The following GPC5 variants were observed in gnomAD, a reference collection of about 807,000 sequenced individuals.
The protein encoded by GPC5 is glypican 5.
Under a neutral mutation model 53.9 loss-of-function variants are expected in GPC5, and 47 were observed. The observed-to-expected ratio is 0.87, with a 90% CI of 0.69 to 1.11. The LOEUF (loss-of-function observed/expected upper bound fraction) is 1.11, where lower values mean the gene tolerates loss of function less well. Ranked by LOEUF, GPC5 falls within the 50% of genes most tolerant of loss-of-function variation. GPC5 has a pLI of 0.00. For synonymous variants in GPC5, 286 were observed against 263.3 expected, an observed-to-expected ratio of 1.09 and a Z score of -0.84; for missense variants, 748 against 713.1, an observed-to-expected ratio of 1.05 and a Z score of -0.56.
intron 6 of GPC5, among the ~76,000 whole-genome samples, chr13:92,010,597 A>G (rs2040652448): frequency 2.6e-5 from 4 of 152,200 alleles, no homozygotes. Context: ...ATGAGTTTAT[A>G]AAAGTGAGGC....
chr13:92,841,009 T>C (rs1367532543), intron 7 of GPC5, among the ~76,000 whole-genome samples: 1 of 152,158 alleles, frequency 6.6e-6, no homozygotes, highest in Non-Finnish European at 1.5e-5. Context: ...TTTTGTGTGG[T>C]ATCTTTAGGG....
intron 5 of GPC5, among the ~76,000 whole-genome samples, chr13:91,770,264 C>A (rs1210053630): frequency 3.9e-5 from 6 of 152,134 alleles, no homozygotes; most frequent in Non-Finnish European, 8.8e-5. Context: ...ATATGTTCAG[C>A]AACCTGGAAG....
chr13:91,599,099 T>C (rs568564285), intron 2 of GPC5, among the ~76,000 whole-genome samples: 1 of 152,120 alleles, frequency 6.6e-6, no homozygotes, highest in Non-Finnish European at 1.5e-5. Context: ...GGATGAATTG[T>C]AGAGTGGCCT....
intron 2 of GPC5, among the ~76,000 whole-genome samples, chr13:91,679,132 T>C (rs2035450245): frequency 6.6e-6 from 1 of 152,100 alleles, no homozygotes; most frequent in Non-Finnish European, 1.5e-5. Flanking sequence ...ATTAAGGCAA[T>C]ATCTGGCAAT....
At chr13:92,181,492 T>C (rs1159404666) in intron 7 of GPC5, among the ~76,000 whole-genome samples, 3 of 152,214 alleles carry the variant, frequency 2.0e-5, no homozygotes, top group Admixed American at 6.5e-5. Context: ...CTAAGTGCTA[T>C]GTAATGTTTT....
chr13:91,609,874 C>T (rs545752277), intron 2 of GPC5, among the ~76,000 whole-genome samples: 111 of 152,296 alleles, frequency 7.3e-4, no homozygotes, highest in African/African-American at 2.5e-3. Flanking sequence ...GTTACATTAT[C>T]AGTACATTCG....
intron 7 of GPC5, among the ~76,000 whole-genome samples, chr13:92,646,905 CAT>C (rs1250673158): frequency 7.0e-6 from 1 of 142,212 alleles, no homozygotes; most frequent in African/African-American, 2.6e-5. Context: ...AATATCTAAA[CAT>C]ATATATGTAA....
chr13:92,574,702 T>C (rs1333699021), intron 7 of GPC5, among the ~76,000 whole-genome samples: 2 of 152,208 alleles, frequency 1.3e-5, no homozygotes, highest in East Asian at 3.9e-4. Context: ...CTCTGAACTC[T>C]ATGTGCAGAC....
intron 6 of GPC5, among the ~76,000 whole-genome samples, chr13:92,003,387 T>C (rs966491909): frequency 1.3e-5 from 2 of 151,960 alleles, no homozygotes; most frequent in East Asian, 1.9e-4. Flanking sequence ...TATCTGATAT[T>C]GTAGATAAGC....
intron 7 of GPC5, among the ~76,000 whole-genome samples, chr13:92,443,924 G>A (rs1877684259): frequency 6.6e-6 from 1 of 152,186 alleles, no homozygotes. Context: ...GGGCCCAGCT[G>A]AGATGAGAAA....
chr13:91,555,675 G>C (rs991806157), intron 2 of GPC5, among the ~76,000 whole-genome samples: 6 of 152,126 alleles, frequency 3.9e-5, no homozygotes, highest in Middle Eastern at 3.4e-3. Flanking sequence ...TGGGTAATTT[G>C]TAAAGAAAAA....
intron 2 of GPC5, among the ~76,000 whole-genome samples, chr13:91,624,497 T>C (rs2033947514): frequency 6.6e-6 from 1 of 152,088 alleles, no homozygotes; most frequent in South Asian, 2.1e-4. Flanking sequence ...TCAGATCTAA[T>C]AGAAGAAATA....
rs563605253 is a variant in GPC5 at position 91,562,414 on chromosome 13, G to A, written c.325+113492G>A. The stretch of plus-strand genomic sequence containing the variant: ...TAGGAAAAGAAATCATACACTGAAT[G>A]TATTGTCTAGCTAGCATATGTTCTA... On this transcript the variant is annotated intron_variant, in intron 2 of 7. Transcript: ENST00000377067. 5.9e-5 allele frequency among the ~76,000 whole-genome samples: 9 copies of A among 152,050 alleles called. No homozygotes were observed. In the South Asian group the frequency reaches 1.0e-3, roughly 18 times the overall value.
intron 7 of GPC5, among the ~76,000 whole-genome samples, chr13:92,386,006 A>G (rs906952178): frequency 6.6e-6 from 1 of 151,796 alleles, no homozygotes; most frequent in African/African-American, 2.4e-5. Flanking sequence ...GAAGCATAGA[A>G]TATCCATTGA....
intron 4 of GPC5, among the ~76,000 whole-genome samples, chr13:91,751,403 A>G (rs1268854685): frequency 2.0e-5 from 3 of 152,244 alleles, no homozygotes; most frequent in Non-Finnish European, 4.4e-5. Context: ...CCATTGGTTG[A>G]GAACAATAAC....
intron 7 of GPC5, among the ~76,000 whole-genome samples, chr13:92,172,360 T>G (rs1222130796): frequency 6.6e-6 from 1 of 152,084 alleles, no homozygotes. Flanking sequence ...ATGGTATGAG[T>G]GCCAAAATGA....
intron 2 of GPC5, among the ~76,000 whole-genome samples, chr13:91,594,043 A>G (rs1329790347): frequency 2.0e-5 from 3 of 152,214 alleles, no homozygotes; most frequent in African/African-American, 4.8e-5. Context: ...CATCTTTTGG[A>G]ATGACCAATA....
At chr13:92,763,414 A>G (rs2138740096) in intron 7 of GPC5, among the ~76,000 whole-genome samples, 1 of 152,244 alleles carries the variant, frequency 6.6e-6, no homozygotes, top group South Asian at 2.1e-4. Flanking sequence ...TACGCTGCAG[A>G]AGTTCGTGGC....
At chr13:92,322,270 G>A (rs1253266593) in intron 7 of GPC5, among the ~76,000 whole-genome samples, 2 of 98,456 alleles carry the variant, frequency 2.0e-5, no homozygotes, top group Non-Finnish European at 3.9e-5. Context: ...GATGGTGAAT[G>A]GGGGAAAAAA....
Sources: gnomAD v4.1 joint callset for allele counts (sites outside exome capture counted in the v4.1 genomes callset) on GRCh38, gnomAD v4.1.1 for gene constraint, MANE v1.5 for transcripts, NCBI Gene and HGNC (gene_info 2026-07-23, HGNC 2026-07-21) for gene names.